TM9SF2: variants seen among roughly 807,000 people sequenced by gnomAD.
TM9SF2 encodes transmembrane 9 superfamily member 2.
In TM9SF2, 13 loss-of-function variants were observed where a neutral mutation model predicts 84.9. The ratio of observed to expected loss-of-function variants is 0.15; its 90% CI spans 0.10 to 0.24. The LOEUF (loss-of-function observed/expected upper bound fraction) is 0.24, where lower values mean the gene tolerates loss of function less well. Ranked by LOEUF, TM9SF2 falls within the 10% of genes least tolerant of loss-of-function variation. The pLI is 1.00. For missense variants in TM9SF2, 562 were observed against 818.5 expected, an observed-to-expected ratio of 0.69 and a Z score of 3.82; for synonymous variants, 273 against 285.8, an observed-to-expected ratio of 0.96 and a Z score of 0.45.
chr13:99,554,750 G>A (rs111351661), intron 14 of TM9SF2, among the ~76,000 whole-genome samples: 1 of 152,166 alleles, frequency 6.6e-6, no homozygotes, highest in African/African-American at 2.4e-5. Context: ...CTGTAAATGA[G>A]GCTTTGTAAG....
chr13:99,543,014 G>C (rs2139100209), intron 9 of TM9SF2, among the ~76,000 whole-genome samples: 1 of 152,296 alleles, frequency 6.6e-6, no homozygotes, highest in African/African-American at 2.4e-5. Flanking sequence ...CGTTACCTCA[G>C]CACTCTGCTG....
intron 11 of TM9SF2, among the ~76,000 whole-genome samples, chr13:99,548,624 C>T (rs1200355964): frequency 6.6e-6 from 1 of 152,134 alleles, no homozygotes; most frequent in African/African-American, 2.4e-5. Context: ...CATATATTAG[C>T]AAACATGGTC....
At chr13:99,517,047 A>G (rs1024021655) in intron 1 of TM9SF2, among the ~76,000 whole-genome samples, 1 of 152,176 alleles carries the variant, frequency 6.6e-6, no homozygotes, top group Non-Finnish European at 1.5e-5. Flanking sequence ...TAGAAAATTT[A>G]GAAAGCATTT....
chr13:99,543,605 C>G (rs2046270021), intron 9 of TM9SF2, among the ~76,000 whole-genome samples: 1 of 152,144 alleles, frequency 6.6e-6, no homozygotes, highest in Non-Finnish European at 1.5e-5. Context: ...ATCACATTGT[C>G]TTTGTAAAGT....
intron 15 of TM9SF2, among the ~76,000 whole-genome samples, chr13:99,557,944 G>A (rs1027175033): frequency 6.6e-6 from 1 of 152,188 alleles, no homozygotes; most frequent in African/African-American, 2.4e-5. Context: ...TCTTCTAAGT[G>A]TTATAGCTTT....
At chr13:99,512,033 A>T (rs2046115766) in intron 1 of TM9SF2, among the ~76,000 whole-genome samples, 1 of 152,236 alleles carries the variant, frequency 6.6e-6, no homozygotes, top group African/African-American at 2.4e-5. Context: ...ATGGATAGGC[A>T]TTAATAAGGT....
At chr13:99,514,477 C>G (rs558621032) in intron 1 of TM9SF2, among the ~76,000 whole-genome samples, 1 of 152,336 alleles carries the variant, frequency 6.6e-6, no homozygotes, top group East Asian at 1.9e-4. Context: ...TGATGGACCA[C>G]ACCATATATA....
At chr13:99,544,353 A>AT (rs2046273771) in intron 10 of TM9SF2, among the ~76,000 whole-genome samples, 1 of 150,904 alleles carries the variant, frequency 6.6e-6, no homozygotes. Flanking sequence ...AAAAAAAAAA[A>AT]CAAAAAACAC....
At chr13:99,545,574 C>G (rs1431072861) in intron 10 of TM9SF2, among the ~76,000 whole-genome samples, 1 of 147,290 alleles carries the variant, frequency 6.8e-6, no homozygotes, top group Non-Finnish European at 1.5e-5. Context: ...TTCTTTCTTT[C>G]TTTTTTTTTT....
At chr13:99,545,684 A>C (rs1372402065) in intron 10 of TM9SF2, among the ~76,000 whole-genome samples, 1 of 151,958 alleles carries the variant, frequency 6.6e-6, no homozygotes, top group Non-Finnish European at 1.5e-5. Context: ...CTTCTGCCTC[A>C]GCCTCCTGAG....
At chr13:99,537,930 G>A in intron 6 of TM9SF2, 67 bp downstream of exon 6, 1 of 1,524,914 alleles carries the variant, frequency 6.6e-7, no homozygotes, top group South Asian at 1.3e-5. Flanking sequence ...ATAAGTATTT[G>A]GGGCTCAATT....
At chr13:99,509,138 A>G (rs2046102512) in intron 1 of TM9SF2, among the ~76,000 whole-genome samples, 1 of 152,324 alleles carries the variant, frequency 6.6e-6, no homozygotes, top group East Asian at 1.9e-4. Context: ...GCATTGGGTA[A>G]ATATTCCCAG....
chr13:99,546,646 T>G (rs1409403115), intron 10 of TM9SF2, among the ~76,000 whole-genome samples: 37 of 152,138 alleles, frequency 2.4e-4, no homozygotes. Context: ...TGGAAACATT[T>G]TCACTTATGT....
Position 99,555,524 on chromosome 13 carries a change from G to C in TM9SF2, c.1641-12G>C. The C allele has an allele frequency of 6.3e-7, 1 of 1,579,504 alleles. No individual in the cohort carries two copies. The highest frequency in any genetic ancestry group is 8.7e-7 in the Non-Finnish European group (1 of 1,149,476). On this transcript the variant is annotated splice_polypyrimidine_tract_variant and intron_variant, in intron 14 of 16. Transcript: ENST00000376387. ...AATATTTATAGTTCCTTCTTGACGT[G>C]TTTGATTATAGGTCACACCAGATGT...
chr13:99,505,446 C>G (rs1314913057), intron 1 of TM9SF2, among the ~76,000 whole-genome samples: 1 of 152,212 alleles, frequency 6.6e-6, no homozygotes, highest in African/African-American at 2.4e-5. Flanking sequence ...TGAGCCACCA[C>G]GCCCAGCCTG....
At chr13:99,553,961 G>A (rs1042050470) in intron 13 of TM9SF2, among the ~76,000 whole-genome samples, 1 of 152,188 alleles carries the variant, frequency 6.6e-6, no homozygotes, top group Admixed American at 6.5e-5. Flanking sequence ...TACAGTACAT[G>A]TGTAATGAAA....
chr13:99,521,542 C>T (rs1379589601), intron 3 of TM9SF2, among the ~76,000 whole-genome samples: 2 of 152,162 alleles, frequency 1.3e-5, no homozygotes, highest in Non-Finnish European at 2.9e-5. Context: ...ATCTGTCCAG[C>T]AAATCCCGAA....
rs1013047099 is a variant in TM9SF2 at position 99,531,493 on chromosome 13, C to A, written c.461+1899C>A. 3.9e-5 allele frequency among the ~76,000 whole-genome samples: 6 copies of A among 152,128 alleles called. No individual in the cohort carries two copies. In the South Asian group the frequency reaches 1.2e-3, roughly 32 times the overall value. On this transcript the variant is annotated intron_variant, in intron 4 of 16. Transcript: ENST00000376387. ...CCCCTTAGTTTTCCTCCTCCTCCAC[C>A]CCACCCAACCCCCATATGCATAGAA...
intron 3 of TM9SF2, among the ~76,000 whole-genome samples, chr13:99,525,491 C>T (rs898623013): frequency 1.5e-4 from 23 of 152,038 alleles, no homozygotes; most frequent in African/African-American, 5.1e-4. Flanking sequence ...ATCTGCCCAC[C>T]TTGGCCTCCC....
Sources: gnomAD v4.1 joint callset for allele counts (sites outside exome capture counted in the v4.1 genomes callset) on GRCh38, gnomAD v4.1.1 for gene constraint, MANE v1.5 for transcripts, NCBI Gene and HGNC (gene_info 2026-07-23, HGNC 2026-07-21) for gene names.